CLDN10: variants seen among roughly 807,000 people sequenced by gnomAD.
CLDN10 encodes the protein claudin 10, also known as claudin-10.
A neutral mutation model predicts 22.9 loss-of-function variants in CLDN10; 15 were observed. The observed-to-expected ratio is 0.65, with a 90% confidence interval of 0.44 to 1.01. The LOEUF (loss-of-function observed/expected upper bound fraction) is 1.01. CLDN10 is among the 50% of genes least tolerant of loss of function. The pLI is 0.00. For missense variants in CLDN10, 247 were observed against 287.8 expected (o/e 0.86, Z 1.03); for synonymous variants, 114 against 111.4 (o/e 1.02, Z -0.15).
chr13:95,528,293 T>C (rs1566319036), intron 1 of CLDN10, among the ~76,000 whole-genome samples: 1 of 151,908 alleles, frequency 6.6e-6, no homozygotes, highest in East Asian at 1.9e-4. Flanking sequence ...ATAAGGGGTT[T>C]CCCCTTTCAC....
At chr13:95,436,677 A>C (rs969878449) in intron 1 of CLDN10, among the ~76,000 whole-genome samples, 1 of 152,192 alleles carries the variant, frequency 6.6e-6, no homozygotes, top group Non-Finnish European at 1.5e-5. Flanking sequence ...TAAATGATAC[A>C]CTTTGCTGCA....
At chr13:95,495,743 C>CAAAAAAAAA (rs71722865) in intron 1 of CLDN10, among the ~76,000 whole-genome samples, 23 of 85,674 alleles carry the variant, frequency 2.7e-4, no homozygotes, top group African/African-American at 4.2e-4. Context: ...GACTCCACCT[C>CAAAAAAAAA]AAAAAAAAAA....
chr13:95,446,809 T>A lies in CLDN10; in HGVS notation c.214+12762T>A, dbSNP rs536656568. On this transcript the variant is annotated intron_variant, in intron 1 of 4. Transcript: ENST00000376873. ...GTGAACCGAGATTGTGCCACTGCAC[T>A]CCAGCCTGGGCAACAGAGTGAGACT... is the stretch of plus-strand genomic sequence containing the variant. Among the ~76,000 whole-genome samples, 3 of 151,836 alleles carry A rather than the reference T, an allele frequency of 2.0e-5. No individual in the cohort carries two copies. The South Asian group carries it at 6.3e-4, about 32-fold the overall frequency.
chr13:95,491,978 G>A (rs752610944), intron 1 of CLDN10, among the ~76,000 whole-genome samples: 1 of 152,162 alleles, frequency 6.6e-6, no homozygotes, highest in Non-Finnish European at 1.5e-5. Context: ...GCTCCAGGCT[G>A]GTACTGGAGG....
chr13:95,524,430 C>T (rs768986949), intron 1 of CLDN10, among the ~76,000 whole-genome samples: 2 of 152,242 alleles, frequency 1.3e-5, no homozygotes, highest in East Asian at 1.9e-4. Context: ...TCTTTGCGTC[C>T]GGGTTCTTTC....
At chr13:95,496,117 A>G (rs2042927358) in intron 1 of CLDN10, among the ~76,000 whole-genome samples, 1 of 152,100 alleles carries the variant, frequency 6.6e-6, no homozygotes, top group Non-Finnish European at 1.5e-5. Flanking sequence ...GCCCTTTCTC[A>G]GGCTGTGTCT....
At chr13:95,563,095 A>ACT (rs34473629) in intron 3 of CLDN10, among the ~76,000 whole-genome samples, 19,744 of 127,908 alleles carry the variant, frequency 0.15, 1,634 homozygotes, top group Admixed American at 0.25. Context: ...CTGCCTACCC[A>ACT]CTCTCTCTCT....
At chr13:95,571,199 T>C (rs2043854400) in intron 3 of CLDN10, among the ~76,000 whole-genome samples, 1 of 152,016 alleles carries the variant, frequency 6.6e-6, no homozygotes, top group South Asian at 2.1e-4. Context: ...GTTATTAATA[T>C]ATACAATTTA....
chr13:95,567,281 T>C (rs1312897077), intron 3 of CLDN10, among the ~76,000 whole-genome samples: 1 of 152,190 alleles, frequency 6.6e-6, no homozygotes, highest in Non-Finnish European at 1.5e-5. Flanking sequence ...TTTGTTCATG[T>C]CCTCTTTTAT....
At chr13:95,495,227 G>A (rs917205606) in intron 1 of CLDN10, among the ~76,000 whole-genome samples, 1 of 151,620 alleles carries the variant, frequency 6.6e-6, no homozygotes, top group Admixed American at 6.6e-5. Flanking sequence ...TGTAGTGACG[G>A]GGTTTCATCA....
At chr13:95,504,688 A>C (rs931692791) in intron 1 of CLDN10, among the ~76,000 whole-genome samples, 4 of 151,844 alleles carry the variant, frequency 2.6e-5, no homozygotes, top group African/African-American at 7.3e-5. Flanking sequence ...CAATTTTAAA[A>C]TATTTTTTAA....
intron 1 of CLDN10, among the ~76,000 whole-genome samples, chr13:95,541,504 T>C (rs1254296040): frequency 6.6e-6 from 1 of 152,228 alleles, no homozygotes; most frequent in Non-Finnish European, 1.5e-5. Flanking sequence ...TTCTAGTTTT[T>C]TTCTGTTTCC....
At chr13:95,496,106 T>C (rs1261172151) in intron 1 of CLDN10, among the ~76,000 whole-genome samples, 1 of 152,226 alleles carries the variant, frequency 6.6e-6, no homozygotes, top group Non-Finnish European at 1.5e-5. Flanking sequence ...TACGGCCCTT[T>C]GCCCTTTCTC....
intron 1 of CLDN10, among the ~76,000 whole-genome samples, chr13:95,504,688 A>G (rs931692791): frequency 4.0e-5 from 6 of 151,844 alleles, no homozygotes; most frequent in Non-Finnish European, 7.4e-5. Context: ...CAATTTTAAA[A>G]TATTTTTTAA....
chr13:95,525,144 C>T (rs2043267799), intron 1 of CLDN10, among the ~76,000 whole-genome samples: 1 of 152,142 alleles, frequency 6.6e-6, no homozygotes, highest in African/African-American at 2.4e-5. Context: ...AGGCATGAGC[C>T]ACCACTCCTG....
At chr13:95,531,021 C>T (rs866084838) in intron 1 of CLDN10, among the ~76,000 whole-genome samples, 5 of 151,686 alleles carry the variant, frequency 3.3e-5, no homozygotes, top group East Asian at 2.0e-4. Flanking sequence ...CGGGTTCAAG[C>T]GATTCTCCTG....
intron 1 of CLDN10, among the ~76,000 whole-genome samples, chr13:95,499,619 G>A (rs991999600): frequency 6.6e-6 from 1 of 152,186 alleles, no homozygotes; most frequent in Non-Finnish European, 1.5e-5. Flanking sequence ...AGGCACCGGG[G>A]CAGACTGAGC....
At chr13:95,560,491 G>A (rs746988094) in intron 3 of CLDN10, 28 bp downstream of exon 3, 2 of 1,542,176 alleles carry the variant, frequency 1.3e-6, no homozygotes, top group East Asian at 4.5e-5. Flanking sequence ...TCTGTTTCCA[G>A]CTCACAGGAA....
At chr13:95,541,901 T>C (rs910029508) in intron 1 of CLDN10, among the ~76,000 whole-genome samples, 6 of 152,250 alleles carry the variant, frequency 3.9e-5, no homozygotes, top group African/African-American at 1.4e-4. Flanking sequence ...TAGTCCATTC[T>C]CACATAGCTA....
Sources: gnomAD v4.1 joint callset for allele counts (sites outside exome capture counted in the v4.1 genomes callset) on GRCh38, gnomAD v4.1.1 for gene constraint, MANE v1.5 for transcripts, NCBI Gene and HGNC (gene_info 2026-07-23, HGNC 2026-07-21) for gene names.